Variants in PARD3 observed in about 807,000 individuals in gnomAD.
PARD3 encodes the protein par-3 family cell polarity regulator, also known as partitioning defective 3 homolog.
In PARD3, 75 loss-of-function variants were observed where a neutral mutation model predicts 155.4. The observed-to-expected ratio is 0.48, with a 90% CI of 0.40 to 0.58. The LOEUF (loss-of-function observed/expected upper bound fraction) is 0.58, where lower values mean the gene tolerates loss of function less well. PARD3 is among the 20% of genes least tolerant of loss of function. The pLI, the probability that PARD3 is intolerant of heterozygous loss-of-function variation, is 0.00. For synonymous variants in PARD3, 576 were observed against 610.5 expected, an observed-to-expected ratio of 0.94 and a Z score of 0.83; for missense variants, 1,642 against 1,721.7, an observed-to-expected ratio of 0.95 and a Z score of 0.82.
At chr10:34,204,023 G>A (rs1053784230) in intron 22 of PARD3, among the ~76,000 whole-genome samples, 3 of 152,150 alleles carry the variant, frequency 2.0e-5, no homozygotes, top group Admixed American at 1.3e-4. Context: ...ATAAGTCAGA[G>A]TTCTATCACT....
At chr10:34,339,218 C>T (rs112144895) in intron 16 of PARD3, among the ~76,000 whole-genome samples, 1 of 152,226 alleles carries the variant, frequency 6.6e-6, no homozygotes, top group African/African-American at 2.4e-5. Context: ...TTTACCTCTT[C>T]TAGAATAATT....
intron 21 of PARD3, among the ~76,000 whole-genome samples, chr10:34,277,524 T>G (rs149545351): frequency 6.6e-6 from 1 of 152,128 alleles, no homozygotes; most frequent in African/African-American, 2.4e-5. Context: ...AGGGTAAAAG[T>G]TGATTGAGAA....
chr10:34,582,308 A>G (rs2087563440), intron 2 of PARD3, among the ~76,000 whole-genome samples: 1 of 152,212 alleles, frequency 6.6e-6, no homozygotes, highest in Non-Finnish European at 1.5e-5. Flanking sequence ...CCAGTAATGA[A>G]TAAGGGGGAA....
At chr10:34,497,586 T>C (rs1013230472) in intron 3 of PARD3, among the ~76,000 whole-genome samples, 13 of 152,322 alleles carry the variant, frequency 8.5e-5, no homozygotes, top group Non-Finnish European at 1.9e-4. Context: ...CTACAATATT[T>C]TCTGCACTAC....
chr10:34,377,879 A>G (rs972622893), intron 10 of PARD3, 88 bp downstream of exon 10: 2 of 1,074,400 alleles, frequency 1.9e-6, no homozygotes, highest in African/African-American at 3.3e-5. Flanking sequence ...ACTGAATTTC[A>G]TATTTTATGA....
intron 2 of PARD3, among the ~76,000 whole-genome samples, chr10:34,599,323 C>T (rs185745122): frequency 2.5e-4 from 38 of 152,220 alleles, no homozygotes; most frequent in Non-Finnish European, 8.8e-5. Flanking sequence ...CAGCCAGACC[C>T]GATTCCACGG....
chr10:34,231,015 A>C (rs535353041), intron 22 of PARD3, among the ~76,000 whole-genome samples: 1 of 152,030 alleles, frequency 6.6e-6, no homozygotes, highest in Non-Finnish European at 1.5e-5. Context: ...TGACAGAGCG[A>C]GACCCTGTAT....
At chr10:34,411,748 ATAGATAG>A (rs1564683083) in intron 5 of PARD3, among the ~76,000 whole-genome samples, 1 of 143,538 alleles carries the variant, frequency 7.0e-6, no homozygotes, top group Non-Finnish European at 1.5e-5. Context: ...AGATAGATAG[ATAGATAG>A]ATAGATAGAT....
rs1270947136 is a variant in PARD3, at chr10:34,228,289, T to C, written c.3419+41368A>G. 1.3e-5 allele frequency among the ~76,000 whole-genome samples: 2 copies of C among 151,946 alleles called. 1 individual carries two copies. Among genetic ancestry groups the C allele is most frequent in the African/African-American group, 4.8e-5 (2 of 41,274 alleles). On this transcript the variant is annotated intron_variant, in intron 22 of 24. Coordinates refer to ENST00000374788, the MANE Select transcript of PARD3 (RefSeq NM_001184785.2). ...GGAGGGTAAGGACTGAAAAACCACG[T>C]AACCACTACTATGCTCACTACCCGG...
At chr10:34,475,173 C>G (rs1024274282) in intron 3 of PARD3, among the ~76,000 whole-genome samples, 6 of 152,130 alleles carry the variant, frequency 3.9e-5, no homozygotes, top group Admixed American at 3.9e-4. Flanking sequence ...ATGAGAACAA[C>G]TTTAAAATAT....
Position 34,397,392 on chromosome 10 carries a change from G to C in PARD3, c.890+1938C>G, listed in dbSNP as rs558966572. Among the ~76,000 whole-genome samples, 3 of 152,288 alleles carry C rather than the reference G, an allele frequency of 2.0e-5. No homozygotes were observed. In the South Asian group the frequency reaches 6.2e-4, roughly 32 times the overall value. ...GTGATGCCTAAGAAGAGGTTATAAAGAATCTGTTTTTCTTAAATCTCTTTG... is the reference window on the plus strand; with the variant it reads ...GTGATGCCTAAGAAGAGGTTATAAACAATCTGTTTTTCTTAAATCTCTTTG... On this transcript the variant is annotated intron_variant, in intron 7 of 24. Transcript: ENST00000374788.
At chr10:34,139,676 G>A (rs1243334094) in intron 22 of PARD3, among the ~76,000 whole-genome samples, 2 of 152,174 alleles carry the variant, frequency 1.3e-5, no homozygotes, top group African/African-American at 2.4e-5. Flanking sequence ...GCAGCCAGCA[G>A]TGACCACCAG....
intron 2 of PARD3, among the ~76,000 whole-genome samples, chr10:34,672,104 G>A (rs1191077577): frequency 6.6e-6 from 1 of 152,070 alleles, no homozygotes; most frequent in Non-Finnish European, 1.5e-5. Context: ...GGAGTTCGAG[G>A]CTGCAGTGAG....
chr10:34,785,952 T>C (rs1188880407), intron 1 of PARD3, among the ~76,000 whole-genome samples: 2 of 152,170 alleles, frequency 1.3e-5, no homozygotes, highest in Non-Finnish European at 2.9e-5. Flanking sequence ...TGTAGTTACG[T>C]GTCATCTCCT....
chr10:34,565,328 C>T (rs1358101732), intron 2 of PARD3, among the ~76,000 whole-genome samples: 4 of 119,322 alleles, frequency 3.4e-5, no homozygotes. Flanking sequence ...AGTGCGGTGG[C>T]GCAATCTCAG....
intron 5 of PARD3, among the ~76,000 whole-genome samples, chr10:34,426,295 T>C (rs1404743560): frequency 6.6e-6 from 1 of 152,210 alleles, no homozygotes; most frequent in Non-Finnish European, 1.5e-5. Flanking sequence ...CCTTGGTACA[T>C]GGTGAACATT....
intron 22 of PARD3, among the ~76,000 whole-genome samples, chr10:34,168,191 T>A (rs1436567578): frequency 6.6e-6 from 1 of 152,164 alleles, no homozygotes; most frequent in Non-Finnish European, 1.5e-5. Context: ...GAAAAATACC[T>A]CCTCCAACAG....
intron 1 of PARD3, among the ~76,000 whole-genome samples, chr10:34,764,613 T>G (rs1837854895): frequency 6.6e-6 from 1 of 152,086 alleles, no homozygotes; most frequent in Non-Finnish European, 1.5e-5. Context: ...GTGCTCATTA[T>G]TCTACTCTCT....
At chr10:34,171,298 C>T (rs770394430) in intron 22 of PARD3, among the ~76,000 whole-genome samples, 2 of 152,112 alleles carry the variant, frequency 1.3e-5, no homozygotes, top group Non-Finnish European at 2.9e-5. Context: ...TCGAGGTTGC[C>T]TTTTTCAGTT....
Sources: gnomAD v4.1 joint callset for allele counts (sites outside exome capture counted in the v4.1 genomes callset) on GRCh38, gnomAD v4.1.1 for gene constraint, MANE v1.5 for transcripts, NCBI Gene and HGNC (gene_info 2026-07-23, HGNC 2026-07-21) for gene names.